PPEF1: variants seen among roughly 807,000 people sequenced by gnomAD.
PPEF1 encodes the protein serine/threonine-protein phosphatase with EF-hands 1.
In PPEF1, 12 loss-of-function variants were observed where a neutral mutation model predicts 53.3. The ratio of observed to expected loss-of-function variants is 0.23; its 90% CI spans 0.14 to 0.36. The LOEUF (loss-of-function observed/expected upper bound fraction) is 0.36. PPEF1 is among the 10% of genes least tolerant of loss of function. The pLI is 1.00. For synonymous variants in PPEF1, 165 were observed against 176.7 expected (o/e 0.93, Z 0.52); for missense variants, 334 against 490.4 (o/e 0.68, Z 3.01).
At chrX:18,680,127 T>C (rs997140927), upstream of PPEF1, among the ~76,000 whole-genome samples, 1 of 109,664 alleles carries the variant, frequency 9.1e-6, no homozygotes, top group African/African-American at 3.3e-5. Flanking sequence ...ACTTTGCCTT[T>C]GCTTTGACTG....
At chrX:18,750,551 T>C (rs1158750033) in intron 4 of PPEF1, among the ~76,000 whole-genome samples, 1 of 112,070 alleles carries the variant, frequency 8.9e-6, no homozygotes, top group Non-Finnish European at 1.9e-5. Context: ...CATTCATCAG[T>C]GAATGGACAT....
At chrX:18,787,609 A>T (rs1325304811) in intron 9 of PPEF1, among the ~76,000 whole-genome samples, 4 of 110,012 alleles carry the variant, frequency 3.6e-5, no homozygotes, top group Admixed American at 9.8e-5. Context: ...GGCCTTGCTC[A>T]ATGAGCTCAT....
At chrX:18,787,086 C>T (rs1371492484) in intron 9 of PPEF1, among the ~76,000 whole-genome samples, 3 of 112,087 alleles carry the variant, frequency 2.7e-5, no homozygotes, top group Non-Finnish European at 5.6e-5. Flanking sequence ...GTAACACATA[C>T]TTGTTGTATT....
intron 3 of PPEF1, among the ~76,000 whole-genome samples, chrX:18,742,814 A>T (rs34642139): frequency 9.3e-6 from 1 of 107,299 alleles, no homozygotes; most frequent in Non-Finnish European, 1.9e-5. Flanking sequence ...GTGCTACTGC[A>T]CTCCAGCCTG....
At chrX:18,779,796 A>T (rs2046047967) in intron 7 of PPEF1, among the ~76,000 whole-genome samples, 1 of 111,908 alleles carries the variant, frequency 8.9e-6, no homozygotes, top group South Asian at 3.7e-4. Context: ...TCTTTTAAAA[A>T]ATCTCTTGTT....
chrX:18,804,132 C>A, intron 11 of PPEF1, 55 bp downstream of exon 11: 1 of 1,041,676 alleles, frequency 9.6e-7, no homozygotes, highest in South Asian at 2.0e-5. Flanking sequence ...TAAGCACAGT[C>A]TTTTCTTCAC....
upstream of PPEF1, among the ~76,000 whole-genome samples, chrX:18,675,129 G>A (rs1231212358): frequency 8.8e-6 from 1 of 113,065 alleles, no homozygotes; most frequent in Non-Finnish European, 1.9e-5. Flanking sequence ...GCGTTTGGGC[G>A]GCTTGTCTTC....
chrX:18,686,661 A>G (rs1267629777), intron 3 of PPEF1, among the ~76,000 whole-genome samples: 1 of 111,102 alleles, frequency 9.0e-6, no homozygotes, highest in Non-Finnish European at 1.9e-5. Context: ...GATTTCGAAA[A>G]GGAAAATTGT....
chrX:18,707,571 CG>C, upstream of PPEF1: 1 of 390,022 alleles, frequency 2.6e-6, no homozygotes, highest in Non-Finnish European at 4.5e-6. Flanking sequence ...TCAGAAGAAG[CG>C]TAAAATGAAT....
chrX:18,729,154 C>CA (rs55947123), intron 1 of PPEF1, among the ~76,000 whole-genome samples: 53,912 of 110,090 alleles, frequency 0.49, 9,943 homozygotes, highest in Non-Finnish European at 0.56. Flanking sequence ...AACTCTTCCC[C>CA]TTGTAACATC....
intron 3 of PPEF1, among the ~76,000 whole-genome samples, chrX:18,743,707 C>T (rs1293751229): frequency 4.6e-5 from 5 of 109,420 alleles, no homozygotes; most frequent in Non-Finnish European, 7.6e-5. Context: ...CCTCGGCCTC[C>T]CAAAGTGCTG....
chrX:18,717,206 T>C (rs1394731378), intron 1 of PPEF1, among the ~76,000 whole-genome samples: 3 of 108,151 alleles, frequency 2.8e-5, no homozygotes, highest in African/African-American at 1.0e-4. Flanking sequence ...AAACACCCGT[T>C]TGAAATAATT....
At chrX:18,816,719 G>A (rs2046924610) in intron 12 of PPEF1, among the ~76,000 whole-genome samples, 1 of 111,551 alleles carries the variant, frequency 9.0e-6, no homozygotes, top group Non-Finnish European at 1.9e-5. Context: ...TCTGTTGTTA[G>A]GTTCTCATGT....
At position 18,787,183 on chromosome X, in the gene PPEF1, A is replaced by G. The variant is rs939366820; in HGVS notation, c.913-1938A>G. 4.5e-5 allele frequency among the ~76,000 whole-genome samples: 5 copies of G among 111,559 alleles called. No homozygotes were observed. The Admixed American group carries it at 4.8e-4, about 11-fold the overall frequency. On this transcript the variant is annotated intron_variant, in intron 9 of 15. Transcript: ENST00000470157. ...ACATAAAAGTAGATTGTTCCAGTCCAGTTTTATAATCCCCACTTTCCCATC... is the reference window on the plus strand; with the variant it reads ...ACATAAAAGTAGATTGTTCCAGTCCGGTTTTATAATCCCCACTTTCCCATC...
chrX:18,762,932 G>A (rs1232796848), intron 6 of PPEF1, among the ~76,000 whole-genome samples: 3 of 111,811 alleles, frequency 2.7e-5, no homozygotes, highest in South Asian at 7.5e-4. Flanking sequence ...GCCCAATAAC[G>A]AGATACAGAT....
At chrX:18,783,874 A>C in intron 8 of PPEF1, 25 bp from the exon 9 acceptor site, 3 of 1,194,854 alleles carry the variant, frequency 2.5e-6, no homozygotes, top group Non-Finnish European at 3.4e-6. Flanking sequence ...AGAAAAACAA[A>C]ACTTACTCAA....
intron 13 of PPEF1, among the ~76,000 whole-genome samples, chrX:18,821,535 A>G (rs1198047643): frequency 1.8e-5 from 2 of 110,507 alleles, no homozygotes; most frequent in Non-Finnish European, 3.8e-5. Context: ...AGCCTCCCCA[A>G]GTAGCTGGGA....
intron 4 of PPEF1, among the ~76,000 whole-genome samples, chrX:18,691,790 T>C (rs1026439188): frequency 8.0e-5 from 9 of 112,096 alleles, no homozygotes; most frequent in African/African-American, 2.9e-4. Flanking sequence ...TTGGAATTCA[T>C]GCAAAACATC....
chrX:18,760,925 C>T (rs1173116109), intron 5 of PPEF1, among the ~76,000 whole-genome samples: 1 of 109,969 alleles, frequency 9.1e-6, no homozygotes, highest in African/African-American at 3.3e-5. Context: ...GGATTACAGG[C>T]GTGTGCCACC....
Sources: allele counts gnomAD v4.1 joint callset (sites outside exome capture counted in the v4.1 genomes callset), GRCh38; gene constraint gnomAD v4.1.1; transcripts MANE v1.5; gene names NCBI Gene and HGNC (gene_info 2026-07-23, HGNC 2026-07-21).